The following HIPK2 variants were observed in gnomAD, a reference collection of about 807,000 sequenced individuals.
HIPK2 encodes homeodomain interacting protein kinase 2, also known as homeodomain-interacting protein kinase 2.
A neutral mutation model predicts 113.7 loss-of-function variants in HIPK2; 27 were observed. The ratio of observed to expected loss-of-function variants is 0.24; its 90% CI spans 0.17 to 0.33. The LOEUF (loss-of-function observed/expected upper bound fraction) is 0.33, where lower values mean the gene tolerates loss of function less well. HIPK2 is among the 10% of genes least tolerant of loss of function. HIPK2 has a pLI of 1.00. For missense variants in HIPK2, 1,257 were observed against 1,588.0 expected (o/e 0.79, Z 3.54); for synonymous variants, 631 against 642.2 (o/e 0.98, Z 0.26).
chr7:139,754,406 C>T (rs1309581715), intron 1 of HIPK2, among the ~76,000 whole-genome samples: 3 of 152,150 alleles, frequency 2.0e-5, no homozygotes, highest in Non-Finnish European at 2.9e-5. Flanking sequence ...GACCTAGAAA[C>T]GCATGCTTCA....
chr7:139,656,938 T>C (rs1801691332), intron 2 of HIPK2, among the ~76,000 whole-genome samples: 2 of 151,936 alleles, frequency 1.3e-5, no homozygotes, highest in Non-Finnish European at 2.9e-5. Context: ...TGGCACAATC[T>C]CGGCTCACTG....
rs1794134630 is a variant in HIPK2, at chr7:139,683,885, GAGGGGCATATATAT to G, written c.1103+32033_1103+32046del. Among the ~76,000 whole-genome samples the G allele has an allele frequency of 1.3e-5, 2 of 152,026 alleles. No homozygotes were observed. The highest frequency in any genetic ancestry group is 2.9e-5 in the Non-Finnish European group (2 of 68,016). ...ACACTGAATGGGCTTGGAATTTGGG[GAGGGGCATATATAT>G]AGAGAGACATACCTCATTATATTGC... On this transcript the variant is annotated intron_variant, in intron 2 of 14. Coordinates refer to ENST00000406875, the MANE Select transcript of HIPK2 (RefSeq NM_022740.5). The surrounding 1 kb of genome is among the most constrained non-coding windows in gnomAD (Gnocchi z 4.2).
intron 9 of HIPK2, among the ~76,000 whole-genome samples, chr7:139,609,600 G>A (rs758900001): frequency 6.6e-6 from 1 of 152,124 alleles, no homozygotes; most frequent in Non-Finnish European, 1.5e-5. Flanking sequence ...GTAGAAAAAC[G>A]AAGCCTTCAG....
At chr7:139,735,609 G>A (rs545224394) in intron 1 of HIPK2, among the ~76,000 whole-genome samples, 3 of 152,318 alleles carry the variant, frequency 2.0e-5, no homozygotes, top group East Asian at 3.9e-4. Flanking sequence ...TCAACAGGAC[G>A]AGATGGGCCA....
At position 139,683,161 on chromosome 7, in the gene HIPK2, C is replaced by G. The variant is rs1216413370; in HGVS notation, c.1103+32771G>C. Among the ~76,000 whole-genome samples, 2 of 152,206 alleles carry G rather than the reference C, an allele frequency of 1.3e-5. No individual in the cohort carries two copies. Among genetic ancestry groups the G allele is most frequent in the African/African-American group, 4.8e-5 (2 of 41,452 alleles). On this transcript the variant is annotated intron_variant, in intron 2 of 14. Coordinates refer to ENST00000406875, the MANE Select transcript of HIPK2 (RefSeq NM_022740.5). The surrounding 1 kb of genome is among the most constrained non-coding windows in gnomAD (Gnocchi z 4.2). ...TAGCATTACCTGGAAGGGCCTGGCT[C>G]TCACCTCGGAGCCTGGACGTGACCT...
chr7:139,614,182 G>T, intron 8 of HIPK2, 104 bp downstream of exon 8: 2 of 1,071,430 alleles, frequency 1.9e-6, no homozygotes, highest in Non-Finnish European at 2.5e-6. Context: ...AAATGAGGAG[G>T]GCCTTTCTCC....
Position 139,563,762 on chromosome 7 carries a change from G to C in HIPK2, c.*9165C>G, listed in dbSNP as rs955080864. 1.0e-5 allele frequency: 4 copies of C among 398,338 alleles called. No homozygotes were observed. The highest frequency in any genetic ancestry group is 4.4e-5 in the Admixed American group (1 of 22,718). 24.7% of individuals were successfully genotyped at this position (398,338 alleles called of 1,614,324 possible). A position where few individuals can be genotyped will look rare whatever the true frequency, so the allele number is the denominator to read the frequency against. On this transcript the variant is annotated 3_prime_UTR_variant, in exon 15 of 15. Coordinates refer to ENST00000406875, the MANE Select transcript of HIPK2 (RefSeq NM_022740.5). ...GAACACGCTGTCAATACAGTTCACA[G>C]GGAAAAAGCAAATGTGGTATTTTTT...
At chr7:139,620,241 T>G (rs1800187940) in intron 7 of HIPK2, 160 bp downstream of exon 7, 1 of 584,630 alleles carries the variant, frequency 1.7e-6, no homozygotes, top group South Asian at 7.5e-5. Flanking sequence ...AAAATGTGCC[T>G]GGGTCCCTCA....
intron 2 of HIPK2, among the ~76,000 whole-genome samples, chr7:139,706,664 C>A (rs1794907696): frequency 6.6e-6 from 1 of 152,200 alleles, no homozygotes; most frequent in Non-Finnish European, 1.5e-5. Context: ...ATCTCAGAGC[C>A]CAGCCTGGCT....
chr7:139,655,447 T>C (rs1368614977), intron 2 of HIPK2, among the ~76,000 whole-genome samples: 1 of 152,214 alleles, frequency 6.6e-6, no homozygotes, highest in African/African-American at 2.4e-5. Context: ...CAGGTGGCTG[T>C]AGACAGAAGG....
In HIPK2 at chr7:139,618,125, C is replaced by T. The variant is rs539084501; in HGVS notation, c.1782+2276G>A. Among the ~76,000 whole-genome samples the T allele has an allele frequency of 5.9e-5, 9 of 152,320 alleles. No homozygotes were observed. The South Asian group carries it at 1.0e-3, about 18-fold the overall frequency. ...GCCTTGGGTAAGAGAATTAATCACT[C>T]GGTGCCTCAGTTTCCTCCTCTAAAA... On this transcript the variant is annotated intron_variant, in intron 7 of 14. Transcript: ENST00000406875.
intron 2 of HIPK2, among the ~76,000 whole-genome samples, chr7:139,697,425 C>T (rs1292599610): frequency 6.6e-6 from 1 of 152,130 alleles, no homozygotes; most frequent in East Asian, 1.9e-4. Flanking sequence ...AAAATCAGCT[C>T]CTATGGCGAC....
chr7:139,614,659 G>C (rs1799970490), intron 7 of HIPK2, 166 bp from the exon 8 acceptor site: 4 of 203,388 alleles, frequency 2.0e-5, no homozygotes, highest in East Asian at 1.9e-4. Flanking sequence ...AAACACGATT[G>C]AAAGTCGCAG....
At chr7:139,722,079 T>C (rs765061406) in intron 1 of HIPK2, 11 of 456,620 alleles carry the variant, frequency 2.4e-5, no homozygotes, top group Non-Finnish European at 4.4e-5. Context: ...ATGGGGTTCT[T>C]ACATGCTTGT....
At chr7:139,639,858 G>C (rs1171018724) in intron 2 of HIPK2, among the ~76,000 whole-genome samples, 2 of 152,220 alleles carry the variant, frequency 1.3e-5, no homozygotes, top group Non-Finnish European at 2.9e-5. Context: ...TCCTATGTGA[G>C]AGGCAGACAG....
At chr7:139,608,082 T>C (rs1799683945) in intron 9 of HIPK2, among the ~76,000 whole-genome samples, 1 of 151,050 alleles carries the variant, frequency 6.6e-6, no homozygotes, top group Admixed American at 6.6e-5. Flanking sequence ...CTACTAAAAA[T>C]ACAAAAAAAA....
chr7:139,729,682 A>T (rs1569482087), intron 1 of HIPK2, among the ~76,000 whole-genome samples: 1 of 152,236 alleles, frequency 6.6e-6, no homozygotes, highest in Non-Finnish European at 1.5e-5. Context: ...GTGGGATGAA[A>T]AAGGCAAACA....
In HIPK2 at chr7:139,575,144, GGCT is replaced by G. The variant is rs774198246; in HGVS notation, c.3107_3109del (p.Gln1036del). On this transcript the variant is annotated inframe_deletion, in exon 14 of 15. Coordinates refer to ENST00000406875, the MANE Select transcript of HIPK2 (RefSeq NM_022740.5). ...GGGGCTTACCTGGCTGAGATTGAGTGGCTGCTGCTGCTGGAAGTGGGGGCCCGG... is the reference window on the plus strand; with the variant it reads ...GGGGCTTACCTGGCTGAGATTGAGTGGCTGCTGCTGGAAGTGGGGGCCCGG... The G allele has an allele frequency of 6.9e-6, 11 of 1,594,156 alleles. No individual in the cohort carries two copies. Among genetic ancestry groups the G allele is most frequent in the Non-Finnish European group, 9.4e-6 (11 of 1,171,050 alleles).
intron 2 of HIPK2, among the ~76,000 whole-genome samples, chr7:139,690,489 G>A (rs953619802): frequency 2.0e-5 from 3 of 152,080 alleles, no homozygotes; most frequent in Non-Finnish European, 2.9e-5. Flanking sequence ...TGTTGTCCTC[G>A]CAGTAATAAA....
Sources: allele counts gnomAD v4.1 joint callset (sites outside exome capture counted in the v4.1 genomes callset), GRCh38; gene constraint gnomAD v4.1.1; non-coding constraint Gnocchi (gnomAD v3.1); transcripts MANE v1.5; gene names NCBI Gene and HGNC (gene_info 2026-07-23, HGNC 2026-07-21).